ZFAT: variants seen among roughly 807,000 people sequenced by gnomAD.
ZFAT encodes zinc finger and AT-hook domain containing.
ZFAT carries 64 observed loss-of-function variants against 117.7 expected under a neutral mutation model. The ratio of observed to expected loss-of-function variants is 0.54; its 90% CI spans 0.44 to 0.67. The LOEUF is 0.67. ZFAT is among the 30% of genes least tolerant of loss of function. ZFAT has a pLI of 0.00. For synonymous variants in ZFAT, 679 were observed against 615.0 expected (o/e 1.10, Z -1.54); for missense variants, 1,433 against 1,584.5 (o/e 0.90, Z 1.62).
At chr8:134,481,564 G>T (rs1817308383) in intron 15 of ZFAT, among the ~76,000 whole-genome samples, 1 of 152,198 alleles carries the variant, frequency 6.6e-6, no homozygotes, top group Non-Finnish European at 1.5e-5. Flanking sequence ...CAATGCCCAA[G>T]TATGGACAGT....
chr8:134,689,892 C>T (rs890854764), intron 1 of ZFAT, among the ~76,000 whole-genome samples: 3 of 152,000 alleles, frequency 2.0e-5, no homozygotes, highest in East Asian at 3.8e-4. Flanking sequence ...CACAGCATGG[C>T]CACTGATGTC....
chr8:134,522,741 T>C (rs536475317), intron 12 of ZFAT, among the ~76,000 whole-genome samples: 45 of 152,318 alleles, frequency 3.0e-4, no homozygotes, highest in Non-Finnish European at 3.5e-4. Context: ...CCATTATTTA[T>C]TCTTATGGCC....
At position 134,601,875 on chromosome 8, in the gene ZFAT, G is replaced by A. The variant is rs1455776078; in HGVS notation, c.1844C>T (p.Pro615Leu). Residue 615 changes from proline to leucine, a missense_variant, in exon 6 of 16, where the codon CCC becomes CTC. Physicochemically the swap from Pro to Leu is moderately conservative, Grantham distance 98. Transcript: ENST00000377838. ...TGAGCTTCTGTGCTGCATGTCTGGG[G>A]GCTTCTCAGGAGCAGCATGAGCCTC... is the stretch of plus-strand genomic sequence containing the variant. ...SAEAHAAPEK[P>L]PDMQHRSSVQ... The A allele has an allele frequency of 6.2e-7, 1 of 1,613,134 alleles. No individual in the cohort carries two copies. The highest frequency in any genetic ancestry group is 2.2e-5 in the East Asian group (1 of 44,852).
chr8:134,706,245 G>A (rs575791662), intron 1 of ZFAT, among the ~76,000 whole-genome samples: 2 of 152,132 alleles, frequency 1.3e-5, no homozygotes, highest in Non-Finnish European at 2.9e-5. Context: ...TCCCAATAAC[G>A]AAAAACTGGA....
At chr8:134,480,910 C>A (rs1817256997) in intron 15 of ZFAT, among the ~76,000 whole-genome samples, 1 of 152,160 alleles carries the variant, frequency 6.6e-6, no homozygotes, top group East Asian at 1.9e-4. Context: ...AAAGGTGGGT[C>A]ATGTTTAATT....
chr8:134,775,546 G>C, the ZFAT span, among the ~76,000 whole-genome samples: 1 of 152,072 alleles, frequency 6.6e-6, no homozygotes, highest in Non-Finnish European at 1.5e-5. Flanking sequence ...TTCGACTTTT[G>C]TACCTTGTCC....
chr8:134,543,023 T>C (rs1249577337), intron 11 of ZFAT, among the ~76,000 whole-genome samples: 2 of 143,048 alleles, frequency 1.4e-5, no homozygotes, highest in East Asian at 2.2e-4. Context: ...GTCAGGCACA[T>C]GCAGTTACTG....
intron 2 of ZFAT, among the ~76,000 whole-genome samples, chr8:134,649,762 T>C (rs974317990): frequency 6.6e-6 from 1 of 152,176 alleles, no homozygotes; most frequent in Non-Finnish European, 1.5e-5. Context: ...AGGTTTAAAA[T>C]TGTTAAGATG....
In ZFAT at chr8:134,523,831, G is replaced by A. The variant is rs1052794145; in HGVS notation, c.3116-2830C>T. 5.9e-5 allele frequency among the ~76,000 whole-genome samples: 9 copies of A among 152,240 alleles called. 1 individual carries two copies. In the South Asian group the frequency reaches 1.9e-3, roughly 32 times the overall value. On this transcript the variant is annotated intron_variant, in intron 12 of 15. Transcript: ENST00000377838. Reference sequence around the variant, plus strand: ...TCTTTAAGCACCACCTCTTCAGAAAGGCCTTCCTGGGACTCCTAGAGAAAG... The same window carrying A: ...TCTTTAAGCACCACCTCTTCAGAAAAGCCTTCCTGGGACTCCTAGAGAAAG...
intron 7 of ZFAT, among the ~76,000 whole-genome samples, chr8:134,593,682 G>A (rs186191192): frequency 3.3e-4 from 51 of 152,336 alleles, no homozygotes; most frequent in Admixed American, 2.5e-3. Context: ...TCTGCTCCGG[G>A]CAAACCTCAT....
the ZFAT span, among the ~76,000 whole-genome samples, chr8:134,737,544 A>T: frequency 1.2e-3 from 103 of 86,360 alleles, no homozygotes; most frequent in East Asian, 3.8e-3. Context: ...AGGTCAAAGC[A>T]AAGAGTAATT....
intron 15 of ZFAT, among the ~76,000 whole-genome samples, chr8:134,482,741 T>C (rs955190504): frequency 6.6e-6 from 1 of 152,252 alleles, no homozygotes; most frequent in Non-Finnish European, 1.5e-5. Flanking sequence ...TTGGGCTTAA[T>C]TCACCAGAAA....
the ZFAT span, among the ~76,000 whole-genome samples, chr8:134,761,762 A>G: frequency 6.6e-6 from 1 of 152,142 alleles, no homozygotes; most frequent in Non-Finnish European, 1.5e-5. Flanking sequence ...TTTTTCAACA[A>G]TAAGTCACAA....
At chr8:134,741,660 G>T in the ZFAT span, among the ~76,000 whole-genome samples, 1 of 151,762 alleles carries the variant, frequency 6.6e-6, no homozygotes, top group Non-Finnish European at 1.5e-5. Flanking sequence ...CCATCTATAC[G>T]CTGAGGCCTC....
At chr8:134,792,955 G>C in the ZFAT span, 1 of 152,098 alleles carries the variant, frequency 6.6e-6, no homozygotes, top group Non-Finnish European at 1.5e-5. Flanking sequence ...GTGTGAAAAA[G>C]GGAAGTGAAA....
intron 9 of ZFAT, among the ~76,000 whole-genome samples, chr8:134,585,406 T>C (rs2130855368): frequency 6.6e-6 from 1 of 152,280 alleles, no homozygotes; most frequent in Middle Eastern, 3.4e-3. Flanking sequence ...GTGTGAACAG[T>C]TGAATATACT....
upstream of ZFAT, among the ~76,000 whole-genome samples, chr8:134,714,379 T>A (rs1814167000): frequency 6.6e-6 from 1 of 152,214 alleles, no homozygotes. Context: ...CTGAGCTTCC[T>A]GAGCAGCCCT....
At chr8:134,511,992 C>T (rs907122605) in intron 14 of ZFAT, among the ~76,000 whole-genome samples, 1 of 152,170 alleles carries the variant, frequency 6.6e-6, no homozygotes, top group Non-Finnish European at 1.5e-5. Flanking sequence ...CCCCTGTAGG[C>T]CCTGGAGGAG....
In ZFAT at chr8:134,601,548, T is replaced by C. The variant is rs1827464281; in HGVS notation, c.2171A>G (p.Lys724Arg). Residue 724 changes from lysine to arginine, a missense_variant, in exon 6 of 16, where the codon AAG becomes AGG. Around this residue, in one of 5 missense-constraint regions of ZFAT, gnomAD observed 372 missense variants for 355.6 expected, o/e 1.05. Transcript: ENST00000377838. ...ACACAAGCTGGTGTTCATTTGCTTC[T>C]TCTGTAAACTGTTCAGGACCTTCAT... is the stretch of plus-strand genomic sequence containing the variant. ...AFMKVLNSLQ[K>R]KQMNTSLCER... The C allele has an allele frequency of 1.9e-6, 3 of 1,614,228 alleles. No homozygotes were observed. Among genetic ancestry groups the C allele is most frequent in the African/African-American group, 1.3e-5 (1 of 75,066 alleles).
Sources: gnomAD v4.1 joint callset for allele counts (sites outside exome capture counted in the v4.1 genomes callset) on GRCh38, gnomAD v4.1.1 for gene constraint, gnomAD v4.1.1 regional missense constraint, MANE v1.5 for transcripts, NCBI Gene and HGNC (gene_info 2026-07-23, HGNC 2026-07-21) for gene names.